ELP4: variants seen among roughly 807,000 people sequenced by gnomAD.
The protein encoded by ELP4 is elongator complex protein 4.
Under a neutral mutation model 48.9 loss-of-function variants are expected in ELP4, and 51 were observed. The ratio of observed to expected loss-of-function variants is 1.04; its 90% CI spans 0.83 to 1.32. ELP4 has a LOEUF of 1.32. Ranked by LOEUF, ELP4 falls within the 40% of genes most tolerant of loss-of-function variation. The probability of loss-of-function intolerance (pLI) is 0.00; values close to 1 mark genes in which losing one functional copy is unlikely to be tolerated. For synonymous variants in ELP4, 210 were observed against 189.2 expected, an observed-to-expected ratio of 1.11 and a Z score of -0.90; for missense variants, 519 against 514.6, an observed-to-expected ratio of 1.01 and a Z score of -0.08.
intron 9 of ELP4, among the ~76,000 whole-genome samples, chr11:31,688,011 G>A (rs1262460772): frequency 6.6e-6 from 1 of 152,162 alleles, no homozygotes. Context: ...TTGGATAAAT[G>A]TGAGATATCT....
chr11:31,731,546 C>T (rs992949668), intron 9 of ELP4, among the ~76,000 whole-genome samples: 1 of 140,660 alleles, frequency 7.1e-6, no homozygotes, highest in African/African-American at 2.9e-5. Context: ...ACCTAGGGGA[C>T]TTATGGTACA....
At chr11:31,680,450 A>G (rs1427060070) in intron 9 of ELP4, among the ~76,000 whole-genome samples, 1 of 152,176 alleles carries the variant, frequency 6.6e-6, no homozygotes, top group East Asian at 1.9e-4. Context: ...GCAAAATGCT[A>G]TGGCCCCAGT....
intron 9 of ELP4, among the ~76,000 whole-genome samples, chr11:31,708,593 A>G (rs1439786316): frequency 1.3e-5 from 2 of 152,128 alleles, no homozygotes; most frequent in Non-Finnish European, 2.9e-5. Context: ...GTGAGAACCA[A>G]CAAATTTATA....
intron 3 of ELP4, among the ~76,000 whole-genome samples, chr11:31,564,250 T>A (rs899273760): frequency 2.4e-4 from 36 of 152,202 alleles, no homozygotes; most frequent in Admixed American, 2.4e-3. Context: ...CCCCAACATA[T>A]CATTTTCATT....
intron 9 of ELP4, among the ~76,000 whole-genome samples, chr11:31,666,691 CA>C (rs11285658): frequency 0.63 from 65,568 of 104,884 alleles, 18,004 homozygotes; most frequent in Middle Eastern, 0.71. Flanking sequence ...GATTCTGTCT[CA>C]AAAAAAAAAA....
rs137942607 is a variant in ELP4 at position 31,566,320 on chromosome 11, T to C, written c.381+26537T>C. 8.2e-3 allele frequency among the ~76,000 whole-genome samples: 1,240 copies of C among 151,958 alleles called. 8 individuals are homozygous for C. The highest frequency in any genetic ancestry group is 0.017 in the Middle Eastern group (5 of 294). The stretch of plus-strand genomic sequence containing the variant: ...TTGCAGTGAGCCGAGATTGCGCCAC[T>C]GCACTCTATCCTGGGCGTCAGAGCG... On this transcript the variant is annotated intron_variant, in intron 3 of 9. Coordinates refer to ENST00000640961, the MANE Select transcript of ELP4 (RefSeq NM_019040.5).
intron 9 of ELP4, among the ~76,000 whole-genome samples, chr11:31,741,740 A>G (rs1201967041): frequency 6.6e-6 from 1 of 152,222 alleles, no homozygotes; most frequent in Non-Finnish European, 1.5e-5. Context: ...CCAAAAACCC[A>G]TCTGTACGTC....
At chr11:31,532,149 AT>A (rs1956405212) in intron 2 of ELP4, among the ~76,000 whole-genome samples, 2 of 152,206 alleles carry the variant, frequency 1.3e-5, no homozygotes, top group African/African-American at 4.8e-5. Flanking sequence ...CCCAAAGGAA[AT>A]GGTTACCAAA....
At chr11:31,684,635 A>G (rs1374039970) in intron 9 of ELP4, among the ~76,000 whole-genome samples, 2 of 152,232 alleles carry the variant, frequency 1.3e-5, no homozygotes, top group Non-Finnish European at 2.9e-5. Flanking sequence ...ACCCATACGT[A>G]TATGATCACC....
chr11:31,714,858 T>C (rs1266013684), intron 9 of ELP4: 2 of 398,348 alleles, frequency 5.0e-6, no homozygotes, highest in Non-Finnish European at 8.9e-6. Context: ...TGTAATTACA[T>C]TGGACCCACT....
intron 9 of ELP4, among the ~76,000 whole-genome samples, chr11:31,743,851 G>A (rs1022991125): frequency 6.6e-6 from 1 of 152,126 alleles, no homozygotes; most frequent in African/African-American, 2.4e-5. Context: ...AAAAGCAAGA[G>A]CAAACACATT....
chr11:31,524,677 T>C (rs1309633119), intron 2 of ELP4, among the ~76,000 whole-genome samples: 1 of 152,246 alleles, frequency 6.6e-6, no homozygotes, highest in Non-Finnish European at 1.5e-5. Flanking sequence ...CTAAGCACTC[T>C]TAATAGTCCT....
At chr11:31,620,700 A>G (rs1448378308) in intron 5 of ELP4, among the ~76,000 whole-genome samples, 1 of 151,948 alleles carries the variant, frequency 6.6e-6, no homozygotes, top group Non-Finnish European at 1.5e-5. Flanking sequence ...TAATTAAAGG[A>G]AGTCAGAGTG....
At chr11:31,769,687 G>A (rs1005795804) in intron 9 of ELP4, among the ~76,000 whole-genome samples, 1 of 152,068 alleles carries the variant, frequency 6.6e-6, no homozygotes, top group East Asian at 1.9e-4. Flanking sequence ...GGAGCTTTCA[G>A]ATTATAGTAA....
chr11:31,543,573 C>A (rs915491931), intron 3 of ELP4, among the ~76,000 whole-genome samples: 4 of 152,048 alleles, frequency 2.6e-5, no homozygotes, highest in African/African-American at 9.7e-5. Flanking sequence ...CCCACCTCGG[C>A]CTCCCAACGT....
chr11:31,568,705 T>G (rs1957150603), intron 3 of ELP4, among the ~76,000 whole-genome samples: 1 of 152,174 alleles, frequency 6.6e-6, no homozygotes, highest in African/African-American at 2.4e-5. Flanking sequence ...TAAATAGTGC[T>G]GGGAAAACTG....
At chr11:31,697,014 C>G (rs7124814) in intron 9 of ELP4, among the ~76,000 whole-genome samples, 141,276 of 151,738 alleles carry the variant, frequency 0.93, 66,345 homozygotes, top group South Asian at 1. Context: ...TGCAATCCTA[C>G]TCTCTGATAA....
chr11:31,611,862 G>A (rs1957986643), intron 5 of ELP4, among the ~76,000 whole-genome samples: 1 of 152,196 alleles, frequency 6.6e-6, no homozygotes, highest in Non-Finnish European at 1.5e-5. Flanking sequence ...AGCTAAGTGG[G>A]CAGAGAGGGC....
chr11:31,553,922 C>T (rs1266046841), intron 3 of ELP4, among the ~76,000 whole-genome samples: 1 of 152,194 alleles, frequency 6.6e-6, no homozygotes, highest in African/African-American at 2.4e-5. Context: ...TCTGTATTTA[C>T]AGCTGCTCCC....
Sources: allele counts gnomAD v4.1 joint callset (sites outside exome capture counted in the v4.1 genomes callset), GRCh38; gene constraint gnomAD v4.1.1; transcripts MANE v1.5; gene names NCBI Gene and HGNC (gene_info 2026-07-23, HGNC 2026-07-21).